The following DHRSX variants were observed in gnomAD, a reference collection of about 807,000 sequenced individuals.
The protein encoded by DHRSX is polyprenol dehydrogenase.
A neutral mutation model predicts 34.0 loss-of-function variants in DHRSX; 31 were observed. The observed-to-expected ratio is 0.91, with a 90% CI of 0.69 to 1.23. DHRSX has a LOEUF of 1.23. Among genes scored for constraint, DHRSX ranks in the 50% most tolerant of loss-of-function variants. DHRSX has a pLI of 0.00. For missense variants in DHRSX, 414 were observed against 428.1 expected (o/e 0.97, Z 0.29); for synonymous variants, 201 against 183.8 (o/e 1.09, Z -0.76).
chrX:2,399,180 T>C (rs1470853438), intron 3 of DHRSX, among the ~76,000 whole-genome samples: 1 of 152,086 alleles, frequency 6.6e-6, no homozygotes, highest in Admixed American at 6.5e-5. Context: ...CAATGAGACC[T>C]GCGAGGACCA....
intron 1 of DHRSX, among the ~76,000 whole-genome samples, chrX:2,462,199 A>G (rs6567529): frequency 0.38 from 56,764 of 150,144 alleles, 10,795 homozygotes; most frequent in African/African-American, 0.39. Flanking sequence ...AAAAAAAAAA[A>G]GAAAAAAGTA....
chrX:2,489,485 G>A lies in DHRSX; in HGVS notation c.109+11332C>T, dbSNP rs778144341. The A allele has an allele frequency of 9.9e-6, 16 of 1,613,574 alleles. No individual in the cohort carries two copies. In the Admixed American group the frequency reaches 1.2e-4, roughly 12 times the overall value. On this transcript the variant is annotated intron_variant, in intron 1 of 6. Transcript: ENST00000334651. ...GCTGATGGTGGGGTACCTGGAGGCCGACAGCATCTCGGCCACCTGCTTGAA... is the reference window on the plus strand; with the variant it reads ...GCTGATGGTGGGGTACCTGGAGGCCAACAGCATCTCGGCCACCTGCTTGAA...
At chrX:2,360,230 G>T (rs9785540) in intron 3 of DHRSX, among the ~76,000 whole-genome samples, 107,940 of 151,906 alleles carry the variant, frequency 0.71, 39,545 homozygotes, top group Middle Eastern at 0.79. Flanking sequence ...ACAAAGCATA[G>T]TAACATTTAT....
At chrX:2,378,839 T>C (rs1262696949) in intron 3 of DHRSX, among the ~76,000 whole-genome samples, 1 of 151,908 alleles carries the variant, frequency 6.6e-6, no homozygotes, top group African/African-American at 2.4e-5. Flanking sequence ...CCTGGCTACT[T>C]TTTTGTATTT....
intron 1 of DHRSX, among the ~76,000 whole-genome samples, chrX:2,434,832 C>T (rs1370107800): frequency 1.3e-5 from 2 of 152,112 alleles, no homozygotes; most frequent in East Asian, 1.9e-4. Flanking sequence ...TTAGTTTCAT[C>T]GCCATTTTAT....
chrX:2,317,256 C>CCTTTTTTTTTTT lies in DHRSX; in HGVS notation c.287-25654_287-25653insAAAAAAAAAAAG, dbSNP rs2042251425. On this transcript the variant is annotated intron_variant, in intron 3 of 6. Coordinates refer to ENST00000334651, the MANE Select transcript of DHRSX (RefSeq NM_145177.3). ...TACAGGCGTGAGCCACCGCGCCTGG[C>CCTTTTTTTTTTT]TTTTTTTTTTTTTGAGACAGAGTCT... Among the ~76,000 whole-genome samples, 42 of 87,426 alleles carry CCTTTTTTTTTTT rather than the reference C, an allele frequency of 4.8e-4. 1 individual carries two copies. Among genetic ancestry groups the CCTTTTTTTTTTT allele is most frequent in the African/African-American group, 2.2e-3 (40 of 18,160 alleles). The allele number at this position is 87,426 out of a possible 152,430, so 57.4% of individuals were successfully genotyped here.
rs776819341 is a variant in DHRSX at position 2,295,952 on chromosome X, G to A, written c.287-4349C>T. ...CCCATTCTCTTGACTTTCCTTTTCTGGGATGGACTGTGGGGTTCTCGCCGA... is the reference window on the plus strand; with the variant it reads ...CCCATTCTCTTGACTTTCCTTTTCTAGGATGGACTGTGGGGTTCTCGCCGA... On this transcript the variant is annotated intron_variant, in intron 3 of 6. Transcript: ENST00000334651. Among the ~76,000 whole-genome samples, 5 of 152,150 alleles carry A rather than the reference G, an allele frequency of 3.3e-5. No homozygotes were observed. In the South Asian group the frequency reaches 1.0e-3, roughly 32 times the overall value.
chrX:2,324,952 T>TG (rs1172434239), intron 3 of DHRSX, among the ~76,000 whole-genome samples: 1 of 150,210 alleles, frequency 6.7e-6, no homozygotes, highest in Non-Finnish European at 1.5e-5. Flanking sequence ...TTTTGTTTTT[T>TG]TTTTTTTTAG....
chrX:2,261,123 T>C (rs1363907690), intron 5 of DHRSX, among the ~76,000 whole-genome samples: 4 of 151,918 alleles, frequency 2.6e-5, no homozygotes, highest in Non-Finnish European at 5.9e-5. Flanking sequence ...GGTGGGAGAA[T>C]CATTGGAACC....
chrX:2,341,058 C>T (rs1228213560), intron 3 of DHRSX, among the ~76,000 whole-genome samples: 10 of 152,114 alleles, frequency 6.6e-5, no homozygotes, highest in Admixed American at 2.6e-4. Flanking sequence ...AAAATGGCTG[C>T]CGCTCTCTCT....
At chrX:2,380,757 G>A (rs751214317) in intron 3 of DHRSX, among the ~76,000 whole-genome samples, 3 of 152,244 alleles carry the variant, frequency 2.0e-5, no homozygotes, top group South Asian at 2.1e-4. Context: ...TGCTGCACAC[G>A]TAAACTCAAA....
intron 3 of DHRSX, among the ~76,000 whole-genome samples, chrX:2,382,624 T>C (rs1425348573): frequency 3.6e-5 from 1 of 27,582 alleles, no homozygotes; most frequent in African/African-American, 1.7e-4. Flanking sequence ...ATCACCACCA[T>C]CATCACCATC....
rs1377280238 is a variant in DHRSX at position 2,443,418 on chromosome X, C to T, written c.110-18114G>A. 9.9e-5 allele frequency among the ~76,000 whole-genome samples: 15 copies of T among 152,104 alleles called. No homozygotes were observed. In the South Asian group the frequency reaches 2.9e-3, roughly 29 times the overall value. ...AAAACCAAAGGCAAACAAGTCCAGT[C>T]AAGGCAGCATGCAAAACCACCATAC... On this transcript the variant is annotated intron_variant, in intron 1 of 6. Coordinates refer to ENST00000334651, the MANE Select transcript of DHRSX (RefSeq NM_145177.3).
At chrX:2,273,994 C>T (rs2041591433) in intron 4 of DHRSX, among the ~76,000 whole-genome samples, 1 of 152,124 alleles carries the variant, frequency 6.6e-6, no homozygotes, top group Non-Finnish European at 1.5e-5. Flanking sequence ...GATAATTCAT[C>T]GTTAGTGAGC....
intron 4 of DHRSX, 52 bp from the exon 5 acceptor site, chrX:2,266,999 A>T: frequency 1.3e-6 from 2 of 1,580,208 alleles, no homozygotes; most frequent in South Asian, 1.1e-5. Flanking sequence ...ACAGTGGAGA[A>T]ATCTCACAGA....
chrX:2,373,078 C>T (rs1354337317), intron 3 of DHRSX, among the ~76,000 whole-genome samples: 1 of 152,156 alleles, frequency 6.6e-6, no homozygotes, highest in Non-Finnish European at 1.5e-5. Context: ...ACAATCACGA[C>T]GGAAGACGAA....
chrX:2,438,579 A>G (rs748922418), intron 1 of DHRSX, among the ~76,000 whole-genome samples: 1 of 151,540 alleles, frequency 6.6e-6, no homozygotes, highest in Non-Finnish European at 1.5e-5. Flanking sequence ...GAGGCAGGAG[A>G]ATCGCTTGAA....
intron 3 of DHRSX, among the ~76,000 whole-genome samples, chrX:2,349,672 G>A (rs1569492388): frequency 6.6e-6 from 1 of 151,606 alleles, no homozygotes; most frequent in Non-Finnish European, 1.5e-5. Context: ...GGGCGACAGA[G>A]TGACACTCAG....
chrX:2,249,513 CTTTTTTTTTTT>C lies in DHRSX; in HGVS notation c.597-6294_597-6284del, dbSNP rs753035485. ...CCACCACGCTCAGCCCTTTTTGTGC[CTTTTTTTTTTT>C]TTTTTTTTTTTTTTTTTGAGACAGA... On this transcript the variant is annotated intron_variant, in intron 5 of 6. Coordinates refer to ENST00000334651, the MANE Select transcript of DHRSX (RefSeq NM_145177.3). Among the ~76,000 whole-genome samples, 13 of 70,190 alleles carry C rather than the reference CTTTTTTTTTTT, an allele frequency of 1.9e-4. No individual in the cohort carries two copies. In the East Asian group the frequency reaches 3.4e-3, roughly 18 times the overall value. The allele number at this position is 70,190 out of a possible 152,430, so 46.0% of individuals were successfully genotyped here. A position where few individuals can be genotyped will look rare whatever the true frequency, so the allele number is the denominator to read the frequency against.
Sources: allele counts gnomAD v4.1 joint callset (sites outside exome capture counted in the v4.1 genomes callset), GRCh38; gene constraint gnomAD v4.1.1; transcripts MANE v1.5; gene names NCBI Gene and HGNC (gene_info 2026-07-23, HGNC 2026-07-21).